The following ENOX1 variants were observed in gnomAD, a reference collection of about 807,000 sequenced individuals.
ENOX1 encodes candidate growth-related and time keeping constitutive hydroquinone (NADH) oxidase.
ENOX1 carries 42 observed loss-of-function variants against 82.5 expected under a neutral mutation model. The observed-to-expected ratio is 0.51, with a 90% CI of 0.40 to 0.66. ENOX1 has a LOEUF of 0.66. Among genes scored for constraint, ENOX1 ranks in the 30% least tolerant of loss-of-function variants. The pLI is 0.00. For missense variants in ENOX1, 608 were observed against 811.6 expected (o/e 0.75, Z 3.05); for synonymous variants, 271 against 282.2 (o/e 0.96, Z 0.40).
At chr13:43,262,192 G>A (rs1036862454) in intron 14 of ENOX1, among the ~76,000 whole-genome samples, 4 of 152,006 alleles carry the variant, frequency 2.6e-5, no homozygotes, top group African/African-American at 9.7e-5. Flanking sequence ...TCTGAGTAAT[G>A]AGATACCAAG....
In ENOX1 at chr13:43,490,636, G is replaced by A. The variant is rs117562883; in HGVS notation, c.-218-6484C>T. ...TTAAAAAATGTTTCACACAGCATTT[G>A]GATAATTGCTCTTCTGCCTTCTGCC... On this transcript the variant is annotated intron_variant, in intron 2 of 16. Coordinates refer to ENST00000690772, the MANE Select transcript of ENOX1 (RefSeq NM_001347969.2). Among the ~76,000 whole-genome samples the A allele has an allele frequency of 1.5e-3, 222 of 152,254 alleles. 2 individuals carry two copies. The highest frequency in any genetic ancestry group is 6.8e-3 in the Middle Eastern group (2 of 294).
chr13:43,438,006 C>A (rs1014391980), intron 3 of ENOX1, among the ~76,000 whole-genome samples: 1 of 152,106 alleles, frequency 6.6e-6, no homozygotes, highest in Non-Finnish European at 1.5e-5. Flanking sequence ...TCAGGCATGA[C>A]AACACTATGA....
At chr13:43,623,795 A>T (rs1004319715) in intron 2 of ENOX1, among the ~76,000 whole-genome samples, 3 of 152,154 alleles carry the variant, frequency 2.0e-5, no homozygotes, top group Non-Finnish European at 4.4e-5. Context: ...ATTCTATGAT[A>T]TGTGTATATC....
intron 2 of ENOX1, among the ~76,000 whole-genome samples, chr13:43,509,991 A>C (rs2077306874): frequency 6.6e-6 from 1 of 152,040 alleles, no homozygotes; most frequent in Admixed American, 6.6e-5. Context: ...AGAAAGTTTC[A>C]TGAGTAGTGG....
At position 43,727,367 on chromosome 13, in the gene ENOX1, C is replaced by G. The variant is rs578222557; in HGVS notation, c.-285+59285G>C. On this transcript the variant is annotated intron_variant, in intron 1 of 16. Transcript: ENST00000690772. ...CAAGGATACCCCAAGTTGTACTGTTCATCACTCTTAGCAGACAACTTAGAC... is the reference window on the plus strand; with the variant it reads ...CAAGGATACCCCAAGTTGTACTGTTGATCACTCTTAGCAGACAACTTAGAC... Among the ~76,000 whole-genome samples the G allele has an allele frequency of 8.7e-4, 133 of 152,312 alleles. 1 individual carries two copies. Among genetic ancestry groups the G allele is most frequent in the South Asian group, 7.7e-3 (37 of 4,822 alleles).
chr13:43,712,980 T>C (rs2087838625), intron 1 of ENOX1, among the ~76,000 whole-genome samples: 2 of 152,184 alleles, frequency 1.3e-5, no homozygotes, highest in South Asian at 4.2e-4. Context: ...AGGGCATCCC[T>C]GTCTTGTGCC....
intron 2 of ENOX1, among the ~76,000 whole-genome samples, chr13:43,650,422 C>T (rs1268413987): frequency 6.6e-6 from 1 of 152,094 alleles, no homozygotes; most frequent in East Asian, 1.9e-4. Flanking sequence ...ACACAGCTAT[C>T]GTTCATGCCA....
intron 2 of ENOX1, among the ~76,000 whole-genome samples, chr13:43,518,193 T>C (rs184096339): frequency 2.0e-5 from 3 of 152,140 alleles, no homozygotes; most frequent in Non-Finnish European, 4.4e-5. Context: ...TTGTTCTCTC[T>C]TTTAAACTCC....
chr13:43,590,762 T>A, intron 2 of ENOX1, among the ~76,000 whole-genome samples: 1 of 105,080 alleles, frequency 9.5e-6, no homozygotes, highest in Non-Finnish European at 1.9e-5. Flanking sequence ...GGCGAAAAAG[T>A]GAAACTTCAT....
At position 43,490,369 on chromosome 13, in the gene ENOX1, T is replaced by C. The variant is rs2076579257; in HGVS notation, c.-218-6217A>G. On this transcript the variant is annotated intron_variant, in intron 2 of 16. Transcript: ENST00000690772. Reference sequence around the variant, plus strand: ...CCCATAGAGGATTTAGATGAGACTCTGGATTTTAGACTTTGAGTTGATGCT... The same window carrying C: ...CCCATAGAGGATTTAGATGAGACTCCGGATTTTAGACTTTGAGTTGATGCT... Among the ~76,000 whole-genome samples the C allele has an allele frequency of 3.9e-5, 6 of 152,288 alleles. No homozygotes were observed. In the South Asian group the frequency reaches 1.2e-3, roughly 32 times the overall value.
chr13:43,568,938 A>G (rs1311127361), intron 2 of ENOX1, among the ~76,000 whole-genome samples: 3 of 152,144 alleles, frequency 2.0e-5, no homozygotes, highest in African/African-American at 4.8e-5. Context: ...TGATTTCATG[A>G]TATCTGCTAG....
At position 43,296,939 on chromosome 13, in the gene ENOX1, C is replaced by G. The variant is rs1488192905; in HGVS notation, c.1446+1407G>C. 2.0e-5 allele frequency among the ~76,000 whole-genome samples: 3 copies of G among 152,156 alleles called. No individual in the cohort carries two copies. In the East Asian group the frequency reaches 5.8e-4, roughly 29 times the overall value. On this transcript the variant is annotated intron_variant, in intron 12 of 16. Transcript: ENST00000690772. ...ATCTTGGCGAGGGTGCCAACAAACACCCAATGTTGGGGCACATGGACAACC... is the reference window on the plus strand; with the variant it reads ...ATCTTGGCGAGGGTGCCAACAAACAGCCAATGTTGGGGCACATGGACAACC...
chr13:43,246,189 T>C (rs182693782), intron 14 of ENOX1, among the ~76,000 whole-genome samples: 1 of 152,368 alleles, frequency 6.6e-6, no homozygotes, highest in Admixed American at 6.5e-5. Context: ...GCTATTACAT[T>C]CTTAATTTAC....
chr13:43,595,447 A>G (rs779514005), intron 2 of ENOX1, among the ~76,000 whole-genome samples: 2 of 152,160 alleles, frequency 1.3e-5, no homozygotes, highest in African/African-American at 2.4e-5. Context: ...GTTCTAGGGT[A>G]CATGTGCACA....
intron 12 of ENOX1, among the ~76,000 whole-genome samples, chr13:43,280,674 T>G (rs737506): frequency 1.3e-5 from 2 of 152,150 alleles, no homozygotes; most frequent in Non-Finnish European, 2.9e-5. Flanking sequence ...CTGTATCACC[T>G]ATATTACTTA....
At chr13:43,449,204 C>T (rs1358153712) in intron 3 of ENOX1, among the ~76,000 whole-genome samples, 3 of 152,206 alleles carry the variant, frequency 2.0e-5, no homozygotes, top group Non-Finnish European at 4.4e-5. Context: ...ATTTCACGCA[C>T]ATTTCCCTAA....
intron 5 of ENOX1, among the ~76,000 whole-genome samples, chr13:43,391,253 C>T (rs1216221380): frequency 1.3e-5 from 2 of 152,172 alleles, no homozygotes; most frequent in African/African-American, 2.4e-5. Flanking sequence ...CTCATTTCCT[C>T]TCAACCCCCT....
chr13:43,778,233 A>C (rs1181281779), intron 1 of ENOX1, among the ~76,000 whole-genome samples: 1 of 152,226 alleles, frequency 6.6e-6, no homozygotes, highest in African/African-American at 2.4e-5. Flanking sequence ...ATCTTCTAAC[A>C]AGCTTCAACC....
chr13:43,761,917 G>A (rs904678261), intron 1 of ENOX1, among the ~76,000 whole-genome samples: 1 of 152,174 alleles, frequency 6.6e-6, no homozygotes, highest in Non-Finnish European at 1.5e-5. Context: ...CTAGGGTCAT[G>A]CTGCCTCCTC....
Sources: gnomAD v4.1 joint callset for allele counts (sites outside exome capture counted in the v4.1 genomes callset) on GRCh38, gnomAD v4.1.1 for gene constraint, MANE v1.5 for transcripts, NCBI Gene and HGNC (gene_info 2026-07-23, HGNC 2026-07-21) for gene names.